ATXN2: variants seen among roughly 807,000 people sequenced by gnomAD.
ATXN2 encodes ataxin 2.
A neutral mutation model predicts 138.6 loss-of-function variants in ATXN2; 37 were observed. The ratio of observed to expected loss-of-function variants is 0.27; its 90% CI spans 0.21 to 0.35. The LOEUF is 0.35. Among genes scored for constraint, ATXN2 ranks in the 10% least tolerant of loss-of-function variants. The pLI, the probability that ATXN2 is intolerant of heterozygous loss-of-function variation, is 1.00. For synonymous variants in ATXN2, 549 were observed against 543.7 expected (o/e 1.01, Z -0.13); for missense variants, 1,216 against 1,480.3 (o/e 0.82, Z 2.93).
At chr12:111,519,697 C>T in intron 8 of ATXN2, 182 bp downstream of exon 8, 2 of 1,167,054 alleles carry the variant, frequency 1.7e-6, no homozygotes, top group Non-Finnish European at 1.2e-6. Context: ...ACAGAGCTTA[C>T]TCTCAAAAGC....
chr12:111,592,782 C>CAAAAAAATAAAAA (rs1884735668), intron 1 of ATXN2, among the ~76,000 whole-genome samples: 1 of 26,018 alleles, frequency 3.8e-5, no homozygotes, highest in African/African-American at 1.1e-4. Flanking sequence ...GACTCCGTCT[C>CAAAAAAATAAAAA]AAAAAAAAAA....
intron 18 of ATXN2, among the ~76,000 whole-genome samples, chr12:111,477,180 T>TAAAAAAAAAA (rs57940846): frequency 8.2e-6 from 1 of 121,674 alleles, no homozygotes; most frequent in Non-Finnish European, 1.7e-5. Flanking sequence ...CTGTCTCTAC[T>TAAAAAAAAAA]AAAAAAAAAA....
chr12:111,599,399 C>T, upstream of ATXN2: 1 of 1,167,634 alleles, frequency 8.6e-7, no homozygotes, highest in Non-Finnish European at 1.1e-6. Flanking sequence ...GCCGCCCCGC[C>T]CGCTCCGCCG....
At chr12:111,551,295 CA>C (rs57267901) in intron 5 of ATXN2, among the ~76,000 whole-genome samples, 13,000 of 82,152 alleles carry the variant, frequency 0.16, 1,789 homozygotes, top group African/African-American at 0.42. Flanking sequence ...GACTCCGTCT[CA>C]AAAAAAAAAA....
intron 14 of ATXN2, among the ~76,000 whole-genome samples, chr12:111,492,309 C>G (rs1878085639): frequency 6.6e-6 from 1 of 152,160 alleles, no homozygotes; most frequent in Admixed American, 6.5e-5. Context: ...TTGGGGTGCC[C>G]TCTAATGCAT....
chr12:111,555,971 A>G, intron 1 of ATXN2, 52 bp from the exon 2 acceptor site: 1 of 1,362,522 alleles, frequency 7.3e-7, no homozygotes, highest in Non-Finnish European at 1.0e-6. Context: ...AAATAAGCTG[A>G]AAAATATTTC....
rs780339849 is a variant in ATXN2 at position 111,508,156 on chromosome 12, TAAA to T, written c.1935+1390_1935+1392del. 9.6e-5 allele frequency among the ~76,000 whole-genome samples: 13 copies of T among 134,718 alleles called. No homozygotes were observed. The East Asian group carries it at 2.8e-3, about 29-fold the overall frequency. 88.4% of individuals were successfully genotyped at this position (134,718 alleles called of 152,430 possible). A position where few individuals can be genotyped will look rare whatever the true frequency, so the allele number is the denominator to read the frequency against. ...CGAGAAACACCCAAGAATGATCAAT[TAAA>T]AAAAAAAAAAAGACTTTATAGCAAA... On this transcript the variant is annotated intron_variant, in intron 14 of 24. Coordinates refer to ENST00000673436, the MANE Select transcript of ATXN2 (RefSeq NM_001372574.1).
At chr12:111,574,651 G>C (rs1883534339) in intron 1 of ATXN2, among the ~76,000 whole-genome samples, 1 of 151,906 alleles carries the variant, frequency 6.6e-6, no homozygotes, top group African/African-American at 2.4e-5. Flanking sequence ...TTGAATTCCT[G>C]AGCTCAAGCG....
chr12:111,579,811 G>A (rs1042346641), intron 1 of ATXN2, among the ~76,000 whole-genome samples: 1 of 150,214 alleles, frequency 6.7e-6, no homozygotes, highest in African/African-American at 2.4e-5. Flanking sequence ...TGATTCTCCT[G>A]TCTCAGCCCC....
rs529093136 is a variant in ATXN2 at position 111,584,795 on chromosome 12, A to C, written c.251+13989T>G. On this transcript the variant is annotated intron_variant, in intron 1 of 24. Transcript: ENST00000673436. ...AGCCTGACCAACATGGAGAAACCCC[A>C]TCTCTACTAAAACTAAATACAAAAT... Among the ~76,000 whole-genome samples, 26 of 151,712 alleles carry C rather than the reference A, an allele frequency of 1.7e-4. No individual in the cohort carries two copies. The South Asian group carries it at 4.8e-3, about 28-fold the overall frequency.
intron 5 of ATXN2, among the ~76,000 whole-genome samples, chr12:111,534,244 A>G (rs1470657575): frequency 6.6e-6 from 1 of 151,132 alleles, no homozygotes; most frequent in African/African-American, 2.5e-5. Context: ...TACCAAAAAT[A>G]TAAAAAATTA....
intron 14 of ATXN2, among the ~76,000 whole-genome samples, chr12:111,505,147 T>C (rs904861641): frequency 6.6e-6 from 1 of 152,146 alleles, no homozygotes; most frequent in Non-Finnish European, 1.5e-5. Context: ...AGGCTGAGGC[T>C]GCTGTGAGCC....
intron 1 of ATXN2, among the ~76,000 whole-genome samples, chr12:111,578,341 C>T (rs949502106): frequency 2.6e-5 from 4 of 152,204 alleles, no homozygotes; most frequent in African/African-American, 9.6e-5. Context: ...TCCTGTCCTG[C>T]AAGCTCCATT....
chr12:111,472,464 A>G (rs1876483726), intron 18 of ATXN2, among the ~76,000 whole-genome samples: 1 of 152,248 alleles, frequency 6.6e-6, no homozygotes, highest in South Asian at 2.1e-4. Context: ...TACTTAGAAG[A>G]TGCAATGGAA....
intron 5 of ATXN2, among the ~76,000 whole-genome samples, chr12:111,547,817 C>T (rs1309407352): frequency 2.1e-5 from 3 of 142,240 alleles, no homozygotes; most frequent in Admixed American, 7.0e-5. Flanking sequence ...TAATAGTCTG[C>T]ATCTTATATT....
chr12:111,483,998 G>T (rs2135696331), intron 18 of ATXN2, among the ~76,000 whole-genome samples: 2 of 151,700 alleles, frequency 1.3e-5, no homozygotes, highest in South Asian at 4.2e-4. Flanking sequence ...TGTTGCCCAG[G>T]CTGGTCTTAA....
rs79583230 is a variant in ATXN2, at chr12:111,564,122, T to C, written c.252-8203A>G. Among the ~76,000 whole-genome samples, 350 of 152,288 alleles carry C rather than the reference T, an allele frequency of 2.3e-3. 2 individuals are homozygous for C. The highest frequency in any genetic ancestry group is 7.4e-3 in the African/African-American group (309 of 41,562). On this transcript the variant is annotated intron_variant, in intron 1 of 24. Transcript: ENST00000673436. ...CATAGATATAGCCCCCAAAGGCACA[T>C]TGTGTGGCCAAAGAAACACCTTGAT...
chr12:111,499,414 G>A lies in ATXN2; in HGVS notation c.1935+10135C>T, dbSNP rs144229217. Among the ~76,000 whole-genome samples the A allele has an allele frequency of 6.6e-5, 10 of 152,244 alleles. No homozygotes were observed. The East Asian group carries it at 1.7e-3, about 26-fold the overall frequency. On this transcript the variant is annotated intron_variant, in intron 14 of 24. Coordinates refer to ENST00000673436, the MANE Select transcript of ATXN2 (RefSeq NM_001372574.1). ...TCTGAATAGACATTTCTCAAAAGAC[G>A]ACATACAGGCTGGGCGCAGCAGCTC...
chr12:111,491,990 G>C (rs978633968), intron 14 of ATXN2, among the ~76,000 whole-genome samples: 3 of 152,162 alleles, frequency 2.0e-5, no homozygotes, highest in African/African-American at 7.2e-5. Context: ...TGAAAGTAAA[G>C]ACCCAGTTCT....
Sources: allele counts gnomAD v4.1 joint callset (sites outside exome capture counted in the v4.1 genomes callset), GRCh38; gene constraint gnomAD v4.1.1; transcripts MANE v1.5; gene names NCBI Gene and HGNC (gene_info 2026-07-23, HGNC 2026-07-21).